NTRK2: variants seen among roughly 807,000 people sequenced by gnomAD.
The protein encoded by NTRK2 is BDNF/NT-3 growth factors receptor.
In NTRK2, 13 loss-of-function variants were observed where a neutral mutation model predicts 94.5. That is an observed-to-expected ratio of 0.14 (90% CI 0.09 to 0.22). The LOEUF is 0.22. Ranked by LOEUF, NTRK2 falls within the 10% of genes least tolerant of loss-of-function variation. The pLI, the probability that NTRK2 is intolerant of heterozygous loss-of-function variation, is 1.00. For missense variants in NTRK2, 639 were observed against 1,071.2 expected (o/e 0.60, Z 5.63); for synonymous variants, 372 against 407.4 (o/e 0.91, Z 1.05).
intron 2 of NTRK2, among the ~76,000 whole-genome samples, chr9:84,701,385 C>G (rs2060708556): frequency 6.6e-6 from 1 of 152,224 alleles, no homozygotes. Flanking sequence ...GACAGAGACT[C>G]TCTCTTCCCC....
At chr9:84,758,451 G>T (rs2065263802) in intron 12 of NTRK2, among the ~76,000 whole-genome samples, 2 of 152,074 alleles carry the variant, frequency 1.3e-5, no homozygotes, top group African/African-American at 4.8e-5. Flanking sequence ...GAGTGCAGTG[G>T]CATGATCTCG....
intron 17 of NTRK2, among the ~76,000 whole-genome samples, chr9:84,987,888 G>A (rs866072800): frequency 2.6e-5 from 4 of 152,074 alleles, no homozygotes; most frequent in Admixed American, 6.6e-5. Context: ...ATATATATTT[G>A]CCTGTTCTTC....
chr9:84,958,629 G>C (rs763734675), intron 17 of NTRK2, among the ~76,000 whole-genome samples: 6 of 152,186 alleles, frequency 3.9e-5, no homozygotes, highest in Non-Finnish European at 7.3e-5. Context: ...CAGGATGAGG[G>C]AAAAGAACCA....
intron 17 of NTRK2, among the ~76,000 whole-genome samples, chr9:85,004,165 A>C (rs930061859): frequency 2.6e-5 from 4 of 151,584 alleles, no homozygotes; most frequent in Non-Finnish European, 4.4e-5. Context: ...ACTTTTCAAA[A>C]GGGGGATGAA....
chr9:84,802,891 A>C (rs183321952), intron 12 of NTRK2, among the ~76,000 whole-genome samples: 1 of 152,256 alleles, frequency 6.6e-6, no homozygotes, highest in Non-Finnish European at 1.5e-5. Flanking sequence ...GACGTGAATG[A>C]GTGGGTTCTC....
intron 12 of NTRK2, among the ~76,000 whole-genome samples, chr9:84,787,927 G>A (rs1169055758): frequency 2.0e-5 from 3 of 152,072 alleles, no homozygotes; most frequent in African/African-American, 7.2e-5. Flanking sequence ...CTGTGGCCTT[G>A]GTCATGTTAT....
intron 2 of NTRK2, among the ~76,000 whole-genome samples, chr9:84,692,837 A>G (rs184254975): frequency 6.4e-4 from 93 of 144,564 alleles, no homozygotes; most frequent in African/African-American, 2.4e-3. Context: ...AGAGATTGCT[A>G]TGCATGGGAG....
chr9:84,811,105 T>G, intron 12 of NTRK2: 1 of 1,069,396 alleles, frequency 9.4e-7, no homozygotes, highest in Non-Finnish European at 1.1e-6. Flanking sequence ...GGTTTGACTT[T>G]TTCATCTATA....
At chr9:84,794,605 A>G (rs1275790251) in intron 12 of NTRK2, among the ~76,000 whole-genome samples, 1 of 152,214 alleles carries the variant, frequency 6.6e-6, no homozygotes, top group Non-Finnish European at 1.5e-5. Flanking sequence ...TGCCTTGCGC[A>G]ATACAGAATA....
intron 8 of NTRK2, among the ~76,000 whole-genome samples, chr9:84,725,160 T>C (rs893598269): frequency 3.3e-5 from 5 of 152,182 alleles, no homozygotes; most frequent in Non-Finnish European, 5.9e-5. Flanking sequence ...TGAACATGCA[T>C]GTGTGTAAGT....
chr9:85,004,019 G>GAA (rs1476746681), intron 17 of NTRK2, among the ~76,000 whole-genome samples: 4 of 48,406 alleles, frequency 8.3e-5, no homozygotes, highest in South Asian at 1.5e-3. Context: ...AAAAGAAAGA[G>GAA]AGAAAGAAAG....
At chr9:84,728,651 T>C (rs1046368660) in intron 9 of NTRK2, among the ~76,000 whole-genome samples, 1 of 152,126 alleles carries the variant, frequency 6.6e-6, no homozygotes, top group African/African-American at 2.4e-5. Flanking sequence ...CTTGGACTGT[T>C]TTGCTTACCC....
Position 85,025,985 on chromosome 9 carries a change from TCA to T in NTRK2, c.*4550_*4551del, listed in dbSNP as rs1392740208. ...TTCTTGTTGTCAGGGCTGGAATGAA[TCA>T]CTGCTGCTCAAGTCAAAGGTTCTTG... On this transcript the variant is annotated 3_prime_UTR_variant, in exon 19 of 19. Coordinates refer to ENST00000277120, the MANE Select transcript of NTRK2 (RefSeq NM_006180.6). 1.7e-5 allele frequency: 4 copies of T among 232,738 alleles called. No homozygotes were observed. Among genetic ancestry groups the T allele is most frequent in the Admixed American group, 5.6e-5 (1 of 17,792 alleles). 14.4% of individuals were successfully genotyped at this position (232,738 alleles called of 1,614,324 possible). A position where few individuals can be genotyped will look rare whatever the true frequency, so the allele number is the denominator to read the frequency against.
At chr9:84,832,570 C>T (rs2073618502) in intron 12 of NTRK2, among the ~76,000 whole-genome samples, 1 of 152,136 alleles carries the variant, frequency 6.6e-6, no homozygotes. Flanking sequence ...GCAGCACAGG[C>T]CCAGCTGTAA....
intron 9 of NTRK2, among the ~76,000 whole-genome samples, chr9:84,729,362 C>G (rs2062682548): frequency 1.3e-5 from 2 of 152,192 alleles, no homozygotes; most frequent in African/African-American, 4.8e-5. Context: ...CTGTTGCTGT[C>G]TTTTCCATTA....
chr9:84,806,943 G>A (rs768289254), intron 12 of NTRK2, among the ~76,000 whole-genome samples: 8 of 152,244 alleles, frequency 5.3e-5, no homozygotes, highest in Non-Finnish European at 8.8e-5. Flanking sequence ...CAATGAAGGT[G>A]AGCTGCTACC....
At chr9:84,747,437 A>G (rs116214659) in intron 11 of NTRK2, among the ~76,000 whole-genome samples, 2,082 of 150,516 alleles carry the variant, frequency 0.014, 50 homozygotes, top group African/African-American at 0.048. Context: ...ATTAAGCCCA[A>G]TTACACAAAA....
intron 12 of NTRK2, among the ~76,000 whole-genome samples, chr9:84,801,938 G>A (rs1016212035): frequency 3.3e-5 from 5 of 152,048 alleles, no homozygotes; most frequent in African/African-American, 7.2e-5. Flanking sequence ...TACTGCTTTC[G>A]CAGAAGGAAA....
intron 17 of NTRK2, among the ~76,000 whole-genome samples, chr9:84,980,017 CA>C (rs1161392095): frequency 6.6e-6 from 1 of 151,856 alleles, no homozygotes; most frequent in Non-Finnish European, 1.5e-5. Context: ...CACGGGAAAA[CA>C]AAAAAAATTG....
Sources: allele counts gnomAD v4.1 joint callset (sites outside exome capture counted in the v4.1 genomes callset), GRCh38; gene constraint gnomAD v4.1.1; transcripts MANE v1.5; gene names NCBI Gene and HGNC (gene_info 2026-07-23, HGNC 2026-07-21).